The following TXNRD3 variants were observed in gnomAD, a reference collection of about 807,000 sequenced individuals.
The protein encoded by TXNRD3 is thioredoxin reductase 3, also known as TXNRD3 neighbor gene protein.
In TXNRD3, 68 loss-of-function variants were observed where a neutral mutation model predicts 78.2. That is an observed-to-expected ratio of 0.87 (90% CI 0.72 to 1.06). TXNRD3 has a LOEUF of 1.06. Among genes scored for constraint, TXNRD3 ranks in the 50% least tolerant of loss-of-function variants. The pLI is 0.00. For synonymous variants in TXNRD3, 296 were observed against 300.1 expected (o/e 0.99, Z 0.14); for missense variants, 751 against 809.5 (o/e 0.93, Z 0.88).
In TXNRD3 at chr3:126,654,881, C is replaced by A. The variant is rs1162533291; in HGVS notation, c.110G>T (p.Arg37Leu). The change falls in exon 1 of 16, where the codon CGT (arginine) becomes CTT (leucine). Residue 37 changes from arginine to leucine, a missense_variant. Transcript: ENST00000524230. Reference sequence around the variant, plus strand: ...GGGCCCGGGGGACGACAGGCGGGCACGGCGCCCCGGCGGCGACAACACGCG... The same window carrying A: ...GGGCCCGGGGGACGACAGGCGGGCAAGGCGCCCCGGCGGCGACAACACGCG... The A allele has an allele frequency of 3.0e-6, 4 of 1,326,532 alleles. No individual in the cohort carries two copies. The South Asian group carries it at 6.2e-5, about 20-fold the overall frequency. The allele number at this position is 1,326,532 out of a possible 1,614,324, so 82.2% of individuals were successfully genotyped here.
intron 10 of TXNRD3, 127 bp downstream of exon 10, chr3:126,629,252 A>T (rs1294754888): frequency 1.4e-6 from 1 of 692,304 alleles, no homozygotes; most frequent in Non-Finnish European, 2.3e-6. Flanking sequence ...ATCTTCTATG[A>T]TAATGCTCTT....
At chr3:126,621,712 A>T in intron 12 of TXNRD3, 30 bp downstream of exon 12, 1 of 1,453,850 alleles carries the variant, frequency 6.9e-7, no homozygotes, top group Non-Finnish European at 9.0e-7. Context: ...CTTGATCAGG[A>T]CATTATCTCA....
At chr3:126,642,200 A>C in intron 5 of TXNRD3, 49 bp from the exon 6 acceptor site, 2 of 1,501,786 alleles carry the variant, frequency 1.3e-6, no homozygotes, top group Non-Finnish European at 1.8e-6. Flanking sequence ...CTAGTTTCAC[A>C]CATCTGCAAT....
chr3:126,607,265 G>A lies in TXNRD3; in HGVS notation c.*640C>T, dbSNP rs2107606294. The A allele has an allele frequency of 6.6e-6, 1 of 152,404 alleles. No homozygotes were observed. The highest frequency in any genetic ancestry group is 2.1e-4 in the South Asian group (1 of 4,830). The allele number at this position is 152,404 out of a possible 1,614,324, so 9.4% of individuals were successfully genotyped here. ...ATTAATTAGGGGAGAATAGCTTCAAGGTTATCACCACCAAGTAGTGAGTGT... is the reference window on the plus strand; with the variant it reads ...ATTAATTAGGGGAGAATAGCTTCAAAGTTATCACCACCAAGTAGTGAGTGT... On this transcript the variant is annotated 3_prime_UTR_variant, in exon 16 of 16. Transcript: ENST00000524230.
chr3:126,644,463 A>G, intron 3 of TXNRD3, 62 bp from the exon 4 acceptor site: 1 of 1,128,220 alleles, frequency 8.9e-7, no homozygotes, highest in Non-Finnish European at 1.3e-6. Flanking sequence ...CTATTTATGT[A>G]CACCCTATGT....
intron 10 of TXNRD3, among the ~76,000 whole-genome samples, chr3:126,625,331 A>T (rs1310725555): frequency 8.9e-6 from 1 of 112,758 alleles, no homozygotes; most frequent in Non-Finnish European, 1.7e-5. Context: ...ACAGGCCTTG[A>T]TGTGTGATGT....
chr3:126,607,788 T>C lies in TXNRD3; in HGVS notation c.*117A>G, dbSNP rs916907373. 1.7e-5 allele frequency: 13 copies of C among 753,098 alleles called. No homozygotes were observed. The highest frequency in any genetic ancestry group is 2.6e-5 in the Non-Finnish European group (13 of 495,528). The allele number at this position is 753,098 out of a possible 1,614,324, so 46.7% of individuals were successfully genotyped here. A position where few individuals can be genotyped will look rare whatever the true frequency, so the allele number is the denominator to read the frequency against. ...TCATCTAAGTGTCGTAAGACAGCCC[T>C]GCACTGGTCCCTGAGTAACAGAGCA... is the stretch of plus-strand genomic sequence containing the variant. On this transcript the variant is annotated 3_prime_UTR_variant, in exon 16 of 16. Transcript: ENST00000524230.
In TXNRD3 at chr3:126,644,042, A is replaced by G. The variant is rs1933160994; in HGVS notation, c.531T>C (p.Ile177=). ...CTAGCACCATAACTTTCTTTCCCAA[A>G]ATGGCAGCTTCCTACAAACGAACAA... Residue 177 remains isoleucine (I), a synonymous_variant, in exon 5 of 16, where the codon ATT becomes ATC. Coordinates refer to ENST00000524230, the MANE Select transcript of TXNRD3 (RefSeq NM_052883.3). 1.3e-6 allele frequency: 2 copies of G among 1,536,046 alleles called. No individual in the cohort carries two copies. Among genetic ancestry groups the G allele is most frequent in the Non-Finnish European group, 1.7e-6 (2 of 1,146,896 alleles).
Position 126,642,061 on chromosome 3 carries a change from C to T in TXNRD3, c.683G>A (p.Arg228Lys). The change falls in exon 6 of 16, where the codon AGG becomes AAG. Residue 228 changes from arginine (R) to lysine (K), a missense_variant. By Grantham distance (26) the Arg-to-Lys change is conservative. Transcript: ENST00000524230. Reference sequence around the variant, plus strand: ...TTGATTATATTCCCAGCCAAATTTCCTTGAGTCACATAATGCCTGCCCCAA... The same window carrying T: ...TTGATTATATTCCCAGCCAAATTTCTTTGAGTCACATAATGCCTGCCCCAA... 6.5e-7 allele frequency: 1 copy of T among 1,535,768 alleles called. No homozygotes were observed. Among genetic ancestry groups the T allele is most frequent in the Non-Finnish European group, 8.7e-7 (1 of 1,146,772 alleles).
At position 126,654,926 on chromosome 3, in the gene TXNRD3, G is replaced by T; in HGVS notation, c.65C>A (p.Ser22Ter). 1 of 1,298,238 alleles carries T rather than the reference G, an allele frequency of 7.7e-7. No individual in the cohort carries two copies. The highest frequency in any genetic ancestry group is 2.4e-5 in the South Asian group (1 of 40,828). The allele number at this position is 1,298,238 out of a possible 1,614,324, so 80.4% of individuals were successfully genotyped here. ...CACGCGCGCCCCTCGGACATGGCCC[G>T]AGCGGCGGTTGGGGGCATCGCCCGC... Residue 22 changes from serine (S) to a stop codon, truncating the protein, a stop_gained, in exon 1 of 16, where the codon TCG becomes TAG. Transcript: ENST00000524230. LOFTEE classifies it high-confidence loss of function.
intron 4 of TXNRD3, 78 bp downstream of exon 4, chr3:126,644,219 T>G (rs1933170494): frequency 1.4e-6 from 2 of 1,408,416 alleles, no homozygotes; most frequent in Non-Finnish European, 1.9e-6. Flanking sequence ...ATTAGTTTGT[T>G]TTTTTTTAAG....
chr3:126,608,598 G>T lies in TXNRD3; in HGVS notation c.1764C>A (p.Asn588Lys), dbSNP rs191851785. Residue 588 changes from asparagine to lysine, a missense_variant, in exon 15 of 16, where the codon AAC becomes AAA. Coordinates refer to ENST00000524230, the MANE Select transcript of TXNRD3 (RefSeq NM_052883.3). ...CAAATCCTTGGGTAACCTCACCGGC[G>T]TTTGGTCCAAGAATATGAAATCCTA... 64 of 1,535,648 alleles carry T rather than the reference G, an allele frequency of 4.2e-5. No homozygotes were observed. Among genetic ancestry groups the T allele is most frequent in the Non-Finnish European group, 5.1e-5 (59 of 1,146,764 alleles).
chr3:126,617,000 C>A (rs1403520919), intron 12 of TXNRD3, among the ~76,000 whole-genome samples: 1 of 152,162 alleles, frequency 6.6e-6, no homozygotes, highest in Non-Finnish European at 1.5e-5. Context: ...TCACATGTTG[C>A]CGATCCATTT....
intron 14 of TXNRD3, chr3:126,609,169 T>C (rs1482555865): frequency 2.2e-6 from 1 of 445,910 alleles, no homozygotes; most frequent in Non-Finnish European, 4.5e-6. Flanking sequence ...GTGCAGTCGT[T>C]TTCCACGGTA....
intron 2 of TXNRD3, 89 bp from the exon 3 acceptor site, chr3:126,646,309 C>CACAT (rs1227325469): frequency 1.9e-6 from 2 of 1,039,270 alleles, no homozygotes; most frequent in African/African-American, 3.2e-5. Context: ...CTCAAATGTT[C>CACAT]ACATGTACAT....
At chr3:126,629,519 A>G in intron 9 of TXNRD3, 48 bp from the exon 10 acceptor site, 1 of 1,416,974 alleles carries the variant, frequency 7.1e-7, no homozygotes, top group South Asian at 1.2e-5. Context: ...ATGATAAAAA[A>G]GAAATACACG....
At position 126,646,153 on chromosome 3, in the gene TXNRD3, G is replaced by A. The variant is rs1408784593; in HGVS notation, c.372C>T (p.Phe124=). 9.8e-6 allele frequency: 15 copies of A among 1,533,262 alleles called. No homozygotes were observed. The highest frequency in any genetic ancestry group is 1.7e-4 in the Middle Eastern group (1 of 6,002). The allele number at this position is 1,533,262 out of a possible 1,614,324, so 95.0% of individuals were successfully genotyped here. A position where few individuals can be genotyped will look rare whatever the true frequency, so the allele number is the denominator to read the frequency against. Residue 124 remains phenylalanine (F), a synonymous_variant, in exon 3 of 16, where the codon TTC becomes TTT. Coordinates refer to ENST00000524230, the MANE Select transcript of TXNRD3 (RefSeq NM_052883.3). ...ATCCACCTACATGCACTTTATTCAC[G>A]AAAATATTGGGCACAGTTTTCTGAT...
At chr3:126,618,143 T>TACTC (rs1238477293) in intron 12 of TXNRD3, among the ~76,000 whole-genome samples, 9 of 152,212 alleles carry the variant, frequency 5.9e-5, no homozygotes, top group African/African-American at 2.2e-4. Context: ...ATGACCACAC[T>TACTC]ACTCAAAGCA....
At position 126,654,910 on chromosome 3, in the gene TXNRD3, C is replaced by G. The variant is rs918685979; in HGVS notation, c.81G>C (p.Gly27=). Reference sequence around the variant, plus strand: ...GCCCCGGCGGCGACAACACGCGCGCCCCTCGGACATGGCCCGAGCGGCGGT... The same window carrying G: ...GCCCCGGCGGCGACAACACGCGCGCGCCTCGGACATGGCCCGAGCGGCGGT... Residue 27 remains glycine (G), a synonymous_variant, in exon 1 of 16, where the codon GGG becomes GGC. Transcript: ENST00000524230. 1 of 1,308,476 alleles carries G rather than the reference C, an allele frequency of 7.6e-7. No homozygotes were observed. Among genetic ancestry groups the G allele is most frequent in the African/African-American group, 1.5e-5 (1 of 64,654 alleles). 81.1% of individuals were successfully genotyped at this position (1,308,476 alleles called of 1,614,324 possible).
Sources: allele counts gnomAD v4.1 joint callset (sites outside exome capture counted in the v4.1 genomes callset), GRCh38; gene constraint gnomAD v4.1.1; transcripts MANE v1.5; gene names NCBI Gene and HGNC (gene_info 2026-07-23, HGNC 2026-07-21).